TOR1AIP1: variants seen among roughly 807,000 people sequenced by gnomAD.
TOR1AIP1 encodes the protein torsin-1A-interacting protein 1.
Under a neutral mutation model 63.3 loss-of-function variants are expected in TOR1AIP1, and 54 were observed. The ratio of observed to expected loss-of-function variants is 0.85; its 90% confidence interval spans 0.69 to 1.07. TOR1AIP1 has a LOEUF of 1.07. Ranked by LOEUF, TOR1AIP1 falls within the 50% of genes least tolerant of loss-of-function variation. The pLI, the probability that TOR1AIP1 is intolerant of heterozygous loss-of-function variation, is 0.00. For synonymous variants in TOR1AIP1, 294 were observed against 273.5 expected (o/e 1.07, Z -0.74); for missense variants, 736 against 715.0 (o/e 1.03, Z -0.33).
Position 179,882,383 on chromosome 1 carries a change from T to C in TOR1AIP1, c.-120T>C. On this transcript the variant is annotated 5_prime_UTR_variant, in exon 1 of 10. Transcript: ENST00000606911. The stretch of plus-strand genomic sequence containing the variant: ...GGCGGCGGCCCCAGCGACTCGCAAC[T>C]GCCTCCCTGACCACAGCGGCCACCG... 1 of 1,056,098 alleles carries C rather than the reference T, an allele frequency of 9.5e-7. No homozygotes were observed. Among genetic ancestry groups the C allele is most frequent in the Non-Finnish European group, 1.3e-6 (1 of 793,154 alleles). The allele number at this position is 1,056,098 out of a possible 1,614,324, so 65.4% of individuals were successfully genotyped here.
At position 179,903,957 on chromosome 1, in the gene TOR1AIP1, A is replaced by AT. The variant is rs1648543765; in HGVS notation, c.740-3dup. 1 of 1,569,850 alleles carries AT rather than the reference A, an allele frequency of 6.4e-7. No individual in the cohort carries two copies. Among genetic ancestry groups the AT allele is most frequent in the African/African-American group, 1.4e-5 (1 of 73,658 alleles). On this transcript the variant is annotated splice_polypyrimidine_tract_variant and intron_variant, in intron 5 of 9. Transcript: ENST00000606911. ...TATTATTTATAGTGTACTGTTTTTT[A>AT]TTTTTTAGATAAAACCACCAGATCA...
intron 5 of TOR1AIP1, among the ~76,000 whole-genome samples, chr1:179,903,005 CAAA>C (rs775587306): frequency 1.2e-4 from 16 of 135,948 alleles, no homozygotes; most frequent in African/African-American, 4.1e-4. Context: ...GACTCCATCT[CAAA>C]AAAAAAAAAA....
At chr1:179,900,439 A>G (rs905121085) in intron 4 of TOR1AIP1, 14 of 247,708 alleles carry the variant, frequency 5.7e-5, no homozygotes, top group Non-Finnish European at 8.7e-5. Context: ...TGTTGCCTAA[A>G]GAGGGGTGAA....
intron 3 of TOR1AIP1, among the ~76,000 whole-genome samples, chr1:179,891,330 T>TC (rs1417224993): frequency 6.6e-6 from 1 of 152,088 alleles, no homozygotes; most frequent in Non-Finnish European, 1.5e-5. Flanking sequence ...CAAGCAATTC[T>TC]CCTGCCTCAG....
At position 179,889,960 on chromosome 1, in the gene TOR1AIP1, C is replaced by T. The variant is rs1398216806; in HGVS notation, c.610+591C>T. Among the ~76,000 whole-genome samples, 3 of 152,218 alleles carry T rather than the reference C, an allele frequency of 2.0e-5. No individual in the cohort carries two copies. The East Asian group carries it at 5.8e-4, about 29-fold the overall frequency. On this transcript the variant is annotated intron_variant, in intron 3 of 9. Transcript: ENST00000606911. ...CCACGGCACCTGGCTTACTTTTCTGCACTTTCTTGTTTATTTTTACTTAAC... is the reference window on the plus strand; with the variant it reads ...CCACGGCACCTGGCTTACTTTTCTGTACTTTCTTGTTTATTTTTACTTAAC...
rs757078578 is a variant in TOR1AIP1, at chr1:179,917,988, G to A, written c.1501G>A (p.Ala501Thr). Reference sequence around the variant, plus strand: ...CTACAAATATTGTGACCATGAAAACGCGGCCTTCAAAGATGTAGCCTTAGT... The same window carrying A: ...CTACAAATATTGTGACCATGAAAACACGGCCTTCAAAGATGTAGCCTTAGT... ...IFYKYCDHEN[A>T]AFKDVALVLT... Residue 501 changes from alanine to threonine, a missense_variant, in exon 10 of 10, where the codon GCG (alanine) becomes ACG (threonine). Ala to Thr is a moderately conservative substitution (Grantham distance 58, BLOSUM62 0). This residue lies in a region of TOR1AIP1 where 272 missense variants were observed against 344.1 expected (regional missense o/e 0.79). Transcript: ENST00000606911. The A allele has an allele frequency of 6.2e-7, 1 of 1,614,204 alleles. No homozygotes were observed. Among genetic ancestry groups the A allele is most frequent in the Admixed American group, 1.7e-5 (1 of 60,018 alleles).
intron 2 of TOR1AIP1, 116 bp from the exon 3 acceptor site, chr1:179,889,197 G>A: frequency 1.4e-6 from 1 of 702,190 alleles, no homozygotes; most frequent in Non-Finnish European, 2.2e-6. Context: ...TACTTCTCTA[G>A]CGTAAATAAA....
chr1:179,887,394 G>C (rs1016819903), intron 2 of TOR1AIP1, among the ~76,000 whole-genome samples: 1 of 150,780 alleles, frequency 6.6e-6, no homozygotes, highest in Admixed American at 6.6e-5. Flanking sequence ...GCCAGAGTCC[G>C]TCTAAAAAAA....
At chr1:179,891,284 C>T (rs1571724298) in intron 3 of TOR1AIP1, among the ~76,000 whole-genome samples, 1 of 152,076 alleles carries the variant, frequency 6.6e-6, no homozygotes, top group African/African-American at 2.4e-5. Flanking sequence ...TACCGTGGTG[C>T]GATCTCGGCT....
intron 9 of TOR1AIP1, among the ~76,000 whole-genome samples, chr1:179,915,978 T>C (rs1253544101): frequency 2.0e-5 from 3 of 152,180 alleles, no homozygotes; most frequent in Admixed American, 2.0e-4. Context: ...TTCTTTTCCT[T>C]GAGACAACCA....
rs1302283064 is a variant in TOR1AIP1, at chr1:179,918,327, A to G, written c.*88A>G. 3.9e-6 allele frequency: 5 copies of G among 1,297,288 alleles called. No homozygotes were observed. In the African/African-American group the frequency reaches 7.4e-5, roughly 19 times the overall value. The allele number at this position is 1,297,288 out of a possible 1,614,324, so 80.4% of individuals were successfully genotyped here. A position where few individuals can be genotyped will look rare whatever the true frequency, so the allele number is the denominator to read the frequency against. On this transcript the variant is annotated 3_prime_UTR_variant, in exon 10 of 10. Transcript: ENST00000606911. ...AGACAGAATTCAGAGCTCTTTTTGA[A>G]AGAACTAGTTTCTTTTTAAAGAAGT...
chr1:179,907,621 ATATATATG>A (rs1648688105), intron 6 of TOR1AIP1, among the ~76,000 whole-genome samples, 194 bp from the exon 7 acceptor site: 8 of 22,984 alleles, frequency 3.5e-4, no homozygotes, highest in Admixed American at 2.0e-3. Context: ...ATATATATGT[ATATATATG>A]TATATATATA....
At chr1:179,909,143 A>G (rs913880400) in intron 8 of TOR1AIP1, among the ~76,000 whole-genome samples, 1 of 152,094 alleles carries the variant, frequency 6.6e-6, no homozygotes, top group Non-Finnish European at 1.5e-5. Flanking sequence ...CCTGGGCGAC[A>G]GAGCGAGACT....
At chr1:179,885,956 G>A (rs552598656) in intron 2 of TOR1AIP1, among the ~76,000 whole-genome samples, 72 of 152,220 alleles carry the variant, frequency 4.7e-4, no homozygotes, top group African/African-American at 1.4e-3. Flanking sequence ...GGCCAAGCTG[G>A]TCTCGAACTC....
chr1:179,906,293 ATAG>A (rs1270136526), intron 6 of TOR1AIP1, among the ~76,000 whole-genome samples: 3 of 152,226 alleles, frequency 2.0e-5, no homozygotes, highest in South Asian at 2.1e-4. Flanking sequence ...TGTTTTGCAC[ATAG>A]TAGATACTTA....
intron 8 of TOR1AIP1, among the ~76,000 whole-genome samples, chr1:179,909,256 T>C (rs1182902320): frequency 6.6e-6 from 1 of 152,232 alleles, no homozygotes; most frequent in Non-Finnish European, 1.5e-5. Context: ...AATGAAATTC[T>C]ACTCTTTTGA....
intron 3 of TOR1AIP1, among the ~76,000 whole-genome samples, chr1:179,894,474 G>C (rs1391600191): frequency 6.6e-6 from 1 of 151,992 alleles, no homozygotes. Context: ...ATCACCTGAG[G>C]TCAGGAGTTC....
chr1:179,884,841 T>G, intron 2 of TOR1AIP1, 72 bp downstream of exon 2: 1 of 1,193,970 alleles, frequency 8.4e-7, no homozygotes, highest in Non-Finnish European at 1.2e-6. Flanking sequence ...TTAAACAATG[T>G]AAGTATGTGT....
Position 179,917,662 on chromosome 1 carries a change from C to T in TOR1AIP1, c.1175C>T (p.Thr392Ile). 6.2e-7 allele frequency: 1 copy of T among 1,614,168 alleles called. No homozygotes were observed. Among genetic ancestry groups the T allele is most frequent in the Non-Finnish European group, 8.5e-7 (1 of 1,180,040 alleles). ...QDEKLWKRSQ[T>I]FLEKHLNSSH... Reference sequence around the variant, plus strand: ...GAGAAGCTGTGGAAAAGGAGCCAAACATTCCTGGAAAAACATCTTAATAGC... The same window carrying T: ...GAGAAGCTGTGGAAAAGGAGCCAAATATTCCTGGAAAAACATCTTAATAGC... The change falls in exon 10 of 10, where the codon ACA becomes ATA. Residue 392 changes from threonine (T) to isoleucine (I), a missense_variant. This residue lies in a region of TOR1AIP1 where 272 missense variants were observed against 344.1 expected (regional missense o/e 0.79). Coordinates refer to ENST00000606911, the MANE Select transcript of TOR1AIP1 (RefSeq NM_015602.4).
Sources: gnomAD v4.1 joint callset for allele counts (sites outside exome capture counted in the v4.1 genomes callset) on GRCh38, gnomAD v4.1.1 for gene constraint, gnomAD v4.1.1 regional missense constraint, MANE v1.5 for transcripts, NCBI Gene and HGNC (gene_info 2026-07-23, HGNC 2026-07-21) for gene names.